SCML2: variants seen among roughly 807,000 people sequenced by gnomAD.
SCML2 encodes sex comb on midleg-like protein 2.
In SCML2, 6 loss-of-function variants were observed where a neutral mutation model predicts 48.4. That is an observed-to-expected ratio of 0.12 (90% CI 0.07 to 0.24). The LOEUF (loss-of-function observed/expected upper bound fraction) is 0.24, where lower values mean the gene tolerates loss of function less well. SCML2 is among the 10% of genes least tolerant of loss of function. The pLI is 1.00. For missense variants in SCML2, 377 were observed against 528.2 expected, an observed-to-expected ratio of 0.71 and a Z score of 2.81; for synonymous variants, 181 against 189.5, an observed-to-expected ratio of 0.95 and a Z score of 0.37.
chrX:18,325,001 T>C (rs768566213), intron 3 of SCML2, 24 bp from the exon 4 acceptor site: 4 of 1,096,488 alleles, frequency 3.6e-6, no homozygotes, highest in East Asian at 6.0e-5. Context: ...ATGTGCAAAA[T>C]AGTTTCTTAA....
intron 1 of SCML2, among the ~76,000 whole-genome samples, chrX:18,334,468 T>C (rs1262549491): frequency 9.0e-6 from 1 of 111,605 alleles, no homozygotes; most frequent in Non-Finnish European, 1.9e-5. Flanking sequence ...GAACAGTTGG[T>C]AGGTTAGCAA....
chrX:18,264,354 T>C (rs1213233813), intron 8 of SCML2, among the ~76,000 whole-genome samples: 1 of 110,728 alleles, frequency 9.0e-6, no homozygotes, highest in Non-Finnish European at 1.9e-5. Context: ...ATATTGTATT[T>C]TTCAGTTCTT....
chrX:18,245,182 AGAT>A (rs1224476183), intron 13 of SCML2, among the ~76,000 whole-genome samples: 3 of 112,100 alleles, frequency 2.7e-5, no homozygotes, highest in East Asian at 5.6e-4. Context: ...ATAGTGATGA[AGAT>A]GATGATTATT....
chrX:18,243,924 C>A (rs1211910657), intron 13 of SCML2, among the ~76,000 whole-genome samples: 3 of 111,816 alleles, frequency 2.7e-5, no homozygotes, highest in Non-Finnish European at 5.6e-5. Flanking sequence ...TGTGAATTAG[C>A]CAAAGGAGTA....
intron 1 of SCML2, among the ~76,000 whole-genome samples, chrX:18,338,273 A>T (rs1461299954): frequency 9.1e-6 from 1 of 109,328 alleles, no homozygotes; most frequent in African/African-American, 3.3e-5. Context: ...GTGAAACCCC[A>T]TCTCTACTAA....
At chrX:18,242,298 T>C (rs930732449) in intron 14 of SCML2, 141 bp downstream of exon 14, 20 of 599,713 alleles carry the variant, frequency 3.3e-5, no homozygotes, top group African/African-American at 4.7e-5. Context: ...GAACTAATCT[T>C]GGGAAAAATA....
chrX:18,244,912 G>A (rs1391037169), intron 13 of SCML2, among the ~76,000 whole-genome samples: 2 of 111,415 alleles, frequency 1.8e-5, no homozygotes, highest in Non-Finnish European at 3.8e-5. Context: ...TAATAGTAAT[G>A]ACACCTCTAG....
chrX:18,297,355 A>G (rs1230594049), intron 7 of SCML2, among the ~76,000 whole-genome samples: 1 of 112,217 alleles, frequency 8.9e-6, no homozygotes, highest in Admixed American at 9.5e-5. Flanking sequence ...CCTATTCAAC[A>G]TAGTATTGGA....
chrX:18,300,060 CT>C (rs1158304837), intron 7 of SCML2, among the ~76,000 whole-genome samples: 1 of 111,111 alleles, frequency 9.0e-6, no homozygotes, highest in African/African-American at 3.3e-5. Flanking sequence ...CTCTTATACA[CT>C]GTTGGTGGGA....
intron 7 of SCML2, among the ~76,000 whole-genome samples, chrX:18,271,450 T>TG (rs976261541): frequency 2.0e-4 from 22 of 108,031 alleles, no homozygotes; most frequent in African/African-American, 5.7e-4. Context: ...TGTGTGTGTG[T>TG]TTTTTTTTAA....
chrX:18,271,639 A>G (rs1369518127), intron 7 of SCML2, among the ~76,000 whole-genome samples: 1 of 109,690 alleles, frequency 9.1e-6, no homozygotes, highest in Non-Finnish European at 1.9e-5. Context: ...ATTCTGGGGG[A>G]TACATTCTGA....
chrX:18,248,879 C>CAT (rs1189993476), intron 11 of SCML2, among the ~76,000 whole-genome samples: 1 of 111,825 alleles, frequency 8.9e-6, no homozygotes, highest in Non-Finnish European at 1.9e-5. Context: ...AAGTCTTCAT[C>CAT]ATTTATTTGT....
intron 7 of SCML2, among the ~76,000 whole-genome samples, chrX:18,274,340 G>C (rs1186005671): frequency 8.9e-6 from 1 of 111,775 alleles, no homozygotes; most frequent in African/African-American, 3.3e-5. Context: ...CCAAGTGAGT[G>C]GAGTTTGCCC....
chrX:18,254,305 A>G (rs1926764399), intron 11 of SCML2, among the ~76,000 whole-genome samples: 1 of 112,154 alleles, frequency 8.9e-6, no homozygotes, highest in African/African-American at 3.2e-5. Flanking sequence ...TAGACGTGAA[A>G]TCTTAGTAAT....
chrX:18,307,631 CAATT>C (rs1232554958), intron 6 of SCML2, among the ~76,000 whole-genome samples: 1 of 111,400 alleles, frequency 9.0e-6, no homozygotes, highest in Non-Finnish European at 1.9e-5. Flanking sequence ...TGCAACAAAA[CAATT>C]AAAAAACTGG....
At chrX:18,254,391 C>T (rs1386287877) in intron 11 of SCML2, among the ~76,000 whole-genome samples, 1 of 111,851 alleles carries the variant, frequency 8.9e-6, no homozygotes, top group Admixed American at 9.5e-5. Context: ...CAACTCAAAG[C>T]CATTTTCAAA....
At chrX:18,255,557 G>A (rs1160789600) in intron 11 of SCML2, among the ~76,000 whole-genome samples, 3 of 112,128 alleles carry the variant, frequency 2.7e-5, no homozygotes, top group Non-Finnish European at 5.6e-5. Flanking sequence ...GGAGAAACTG[G>A]AAAGAGGACT....
intron 7 of SCML2, among the ~76,000 whole-genome samples, chrX:18,277,383 T>C (rs887272516): frequency 1.8e-5 from 2 of 112,350 alleles, no homozygotes; most frequent in African/African-American, 6.5e-5. Flanking sequence ...GGAAGGAAAT[T>C]TGCAAACCTC....
intron 1 of SCML2, among the ~76,000 whole-genome samples, chrX:18,337,396 A>C (rs1929866100): frequency 9.3e-6 from 1 of 107,914 alleles, no homozygotes; most frequent in Non-Finnish European, 1.9e-5. Context: ...GACACATATA[A>C]ACTACAAGTA....
Sources: allele counts gnomAD v4.1 joint callset (sites outside exome capture counted in the v4.1 genomes callset), GRCh38; gene constraint gnomAD v4.1.1; transcripts MANE v1.5; gene names NCBI Gene and HGNC (gene_info 2026-07-23, HGNC 2026-07-21).